Variants in CSGALNACT2 observed in about 807,000 individuals in gnomAD.
CSGALNACT2 encodes the protein chondroitin sulfate N-acetylgalactosaminyltransferase 2.
A neutral mutation model predicts 55.3 loss-of-function variants in CSGALNACT2; 35 were observed. That is an observed-to-expected ratio of 0.63 (90% CI 0.48 to 0.84). The LOEUF is 0.84. CSGALNACT2 is among the 40% of genes least tolerant of loss of function. The pLI, the probability that CSGALNACT2 is intolerant of heterozygous loss-of-function variation, is 0.00. For synonymous variants in CSGALNACT2, 196 were observed against 224.9 expected (o/e 0.87, Z 1.15); for missense variants, 544 against 657.5 (o/e 0.83, Z 1.89).
chr10:43,183,141 G>A (rs1281521405), intron 7 of CSGALNACT2, 109 bp from the exon 8 acceptor site: 2 of 856,490 alleles, frequency 2.3e-6, no homozygotes, highest in Non-Finnish European at 3.8e-6. Flanking sequence ...CTACCTTTTT[G>A]CTGAACCATC....
rs1326598851 is a variant in CSGALNACT2, at chr10:43,185,264, A to G, written c.*1722A>G. ...ATGCTATACGTTTTTGACATTTATT[A>G]AATGGTACCAATAAAGTATTTTATT... On this transcript the variant is annotated 3_prime_UTR_variant, in exon 8 of 8. Transcript: ENST00000374466. 6.6e-6 allele frequency: 1 copy of G among 152,270 alleles called. No homozygotes were observed. The highest frequency in any genetic ancestry group is 2.4e-5 in the African/African-American group (1 of 41,480). 9.4% of individuals were successfully genotyped at this position (152,270 alleles called of 1,614,324 possible).
At chr10:43,158,172 A>G (rs941311980) in intron 2 of CSGALNACT2, among the ~76,000 whole-genome samples, 2 of 120,526 alleles carry the variant, frequency 1.7e-5, no homozygotes, top group Admixed American at 1.8e-4. Context: ...ATGTATGTAT[A>G]CACACATATA....
intron 1 of CSGALNACT2, among the ~76,000 whole-genome samples, chr10:43,139,299 G>A (rs922485092): frequency 1.3e-5 from 2 of 152,156 alleles, no homozygotes; most frequent in African/African-American, 4.8e-5. Flanking sequence ...TTCGATCTTG[G>A]AAGTAAGAAG....
At position 43,184,714 on chromosome 10, in the gene CSGALNACT2, AAAAG is replaced by A. The variant is rs1333990121; in HGVS notation, c.*1176_*1179del. ...GGTATAAATTAATGAGACAAAGTGA[AAAAG>A]AAATTATATTCAGATAGGACTGCAC... On this transcript the variant is annotated 3_prime_UTR_variant, in exon 8 of 8. Transcript: ENST00000374466. 2 of 152,210 alleles carry A rather than the reference AAAAG, an allele frequency of 1.3e-5. No homozygotes were observed. The highest frequency in any genetic ancestry group is 4.8e-5 in the African/African-American group (2 of 41,454). 9.4% of individuals were successfully genotyped at this position (152,210 alleles called of 1,614,324 possible).
At chr10:43,141,221 AT>A (rs772008206) in intron 1 of CSGALNACT2, among the ~76,000 whole-genome samples, 209 of 144,972 alleles carry the variant, frequency 1.4e-3, no homozygotes, top group African/African-American at 1.6e-3. Flanking sequence ...TCTACAAATA[AT>A]TTTTTTTTTT....
intron 7 of CSGALNACT2, among the ~76,000 whole-genome samples, chr10:43,182,607 G>C (rs188625265): frequency 6.6e-6 from 1 of 151,876 alleles, no homozygotes; most frequent in African/African-American, 2.4e-5. Flanking sequence ...GTGGCTGGTC[G>C]CAGTGGCTAA....
intron 6 of CSGALNACT2, among the ~76,000 whole-genome samples, chr10:43,172,028 A>G (rs1319607147): frequency 6.6e-6 from 1 of 152,156 alleles, no homozygotes; most frequent in African/African-American, 2.4e-5. Flanking sequence ...AGACTGGGGG[A>G]TGGGAGCTCC....
At chr10:43,182,817 G>A (rs1231757548) in intron 7 of CSGALNACT2, among the ~76,000 whole-genome samples, 1 of 150,790 alleles carries the variant, frequency 6.6e-6, no homozygotes, top group Non-Finnish European at 1.5e-5. Flanking sequence ...CGATGCTGCA[G>A]TGAGCCATGA....
intron 1 of CSGALNACT2, among the ~76,000 whole-genome samples, chr10:43,145,350 T>G (rs1356778582): frequency 6.6e-6 from 1 of 151,766 alleles, no homozygotes; most frequent in Non-Finnish European, 1.5e-5. Context: ...TATTGGAAAG[T>G]CCCTAGTTAT....
intron 1 of CSGALNACT2, among the ~76,000 whole-genome samples, chr10:43,153,084 C>T (rs933202325): frequency 2.6e-5 from 4 of 151,654 alleles, no homozygotes; most frequent in Admixed American, 2.6e-4. Flanking sequence ...CTTGGCCAGG[C>T]GCGGTGGCTA....
At chr10:43,179,573 A>G (rs1192413517) in intron 7 of CSGALNACT2, among the ~76,000 whole-genome samples, 1 of 152,066 alleles carries the variant, frequency 6.6e-6, no homozygotes, top group Non-Finnish European at 1.5e-5. Context: ...CCATGCCTCC[A>G]TTGGTATCAC....
chr10:43,147,871 C>G (rs1838794628), intron 1 of CSGALNACT2, among the ~76,000 whole-genome samples: 1 of 119,062 alleles, frequency 8.4e-6, no homozygotes, highest in South Asian at 2.6e-4. Context: ...TCTTCACTTT[C>G]TTGTTGATGT....
intron 5 of CSGALNACT2, among the ~76,000 whole-genome samples, chr10:43,165,640 A>AT (rs1839248783): frequency 6.6e-6 from 1 of 152,192 alleles, no homozygotes; most frequent in Non-Finnish European, 1.5e-5. Flanking sequence ...CTTTAAAAAT[A>AT]AAATTTTTGG....
At chr10:43,140,055 G>T (rs771742226) in intron 1 of CSGALNACT2, among the ~76,000 whole-genome samples, 1 of 152,182 alleles carries the variant, frequency 6.6e-6, no homozygotes, top group Non-Finnish European at 1.5e-5. Context: ...TTAGCCAGGC[G>T]TGGTGGCGGG....
intron 1 of CSGALNACT2, among the ~76,000 whole-genome samples, chr10:43,151,609 G>A (rs1220535163): frequency 6.6e-6 from 1 of 152,094 alleles, no homozygotes; most frequent in Non-Finnish European, 1.5e-5. Flanking sequence ...TCAGTGCTCT[G>A]CCAAATACCC....
chr10:43,174,849 A>G (rs1343482031), intron 6 of CSGALNACT2, among the ~76,000 whole-genome samples: 1 of 152,208 alleles, frequency 6.6e-6, no homozygotes, highest in African/African-American at 2.4e-5. Context: ...GTTTATTGCT[A>G]AGCCTCAGTT....
At chr10:43,176,165 G>C in intron 7 of CSGALNACT2, 133 bp downstream of exon 7, 3 of 585,220 alleles carry the variant, frequency 5.1e-6, no homozygotes, top group Non-Finnish European at 8.5e-6. Flanking sequence ...AGAGAAACTG[G>C]ATATACAAAA....
At chr10:43,182,683 G>T (rs145882131) in intron 7 of CSGALNACT2, among the ~76,000 whole-genome samples, 197 of 150,802 alleles carry the variant, frequency 1.3e-3, no homozygotes, top group Middle Eastern at 3.4e-3. Flanking sequence ...TTCGAGACCA[G>T]CCTGGGCAAC....
intron 6 of CSGALNACT2, 57 bp downstream of exon 6, chr10:43,167,155 G>A: frequency 9.1e-7 from 1 of 1,097,108 alleles, no homozygotes; most frequent in Non-Finnish European, 1.4e-6. Flanking sequence ...CTAGATGTTT[G>A]TTGTGTAAGT....
Sources: allele counts gnomAD v4.1 joint callset (sites outside exome capture counted in the v4.1 genomes callset), GRCh38; gene constraint gnomAD v4.1.1; transcripts MANE v1.5; gene names NCBI Gene and HGNC (gene_info 2026-07-23, HGNC 2026-07-21).